Variants in BNC2 observed in about 807,000 individuals in gnomAD.
BNC2 encodes basonuclin zinc finger protein 2.
A neutral mutation model predicts 76.3 loss-of-function variants in BNC2; 20 were observed. That is an observed-to-expected ratio of 0.26 (90% CI 0.18 to 0.38). The LOEUF (loss-of-function observed/expected upper bound fraction) is 0.38. Ranked by LOEUF, BNC2 falls within the 10% of genes least tolerant of loss-of-function variation. The pLI, the probability that BNC2 is intolerant of heterozygous loss-of-function variation, is 1.00. For missense variants in BNC2, 1,382 were observed against 1,399.8 expected, an observed-to-expected ratio of 0.99 and a Z score of 0.20; for synonymous variants, 582 against 514.8, an observed-to-expected ratio of 1.13 and a Z score of -1.77.
chr9:16,462,536 A>G (rs1413272073), intron 5 of BNC2, among the ~76,000 whole-genome samples: 1 of 152,254 alleles, frequency 6.6e-6, no homozygotes, highest in Non-Finnish European at 1.5e-5. Flanking sequence ...GGAGAAAAGT[A>G]AGAGAAAAAA....
chr9:16,704,930 C>G (rs986745738), intron 3 of BNC2: 2 of 152,328 alleles, frequency 1.3e-5, no homozygotes, highest in African/African-American at 4.8e-5. Flanking sequence ...TGGCGCACTC[C>G]TCCTCTCTAT....
chr9:16,446,110 T>G (rs1019029721), intron 5 of BNC2, among the ~76,000 whole-genome samples: 6 of 152,124 alleles, frequency 3.9e-5, no homozygotes, highest in Non-Finnish European at 5.9e-5. Flanking sequence ...GATTGATACT[T>G]TAAAGGAGTT....
At chr9:16,686,588 CTCT>C (rs1822985416) in intron 3 of BNC2, among the ~76,000 whole-genome samples, 1 of 152,064 alleles carries the variant, frequency 6.6e-6, no homozygotes, top group African/African-American at 2.4e-5. Flanking sequence ...CAAAGCACTC[CTCT>C]GTTTTGTTTT....
intron 1 of BNC2, among the ~76,000 whole-genome samples, chr9:16,780,106 G>A (rs534557369): frequency 6.6e-6 from 1 of 151,538 alleles, no homozygotes; most frequent in East Asian, 2.0e-4. Context: ...CGCGGTGGCG[G>A]GTGCCTGTAG....
At chr9:16,770,797 G>A (rs114080007) in intron 1 of BNC2, among the ~76,000 whole-genome samples, 3,645 of 152,018 alleles carry the variant, frequency 0.024, 149 homozygotes, top group East Asian at 0.19. Flanking sequence ...CCCAGGAGGT[G>A]AAGGCTGCAG....
At chr9:16,485,784 G>A (rs1822152080) in intron 5 of BNC2, among the ~76,000 whole-genome samples, 1 of 152,024 alleles carries the variant, frequency 6.6e-6, no homozygotes, top group South Asian at 2.1e-4. Context: ...ACTCTAGCCT[G>A]GGCAACAGAG....
At chr9:16,719,379 C>T (rs1252517981) in intron 3 of BNC2, among the ~76,000 whole-genome samples, 2 of 152,124 alleles carry the variant, frequency 1.3e-5, no homozygotes, top group East Asian at 3.8e-4. Flanking sequence ...AATGGAGATT[C>T]TCATTTTAAT....
In BNC2 at chr9:16,759,970, A is replaced by G. The variant is rs566029789; in HGVS notation, c.4-21485T>C. Among the ~76,000 whole-genome samples the G allele has an allele frequency of 5.9e-5, 9 of 152,188 alleles. No homozygotes were observed. The East Asian group carries it at 1.6e-3, about 26-fold the overall frequency. The stretch of plus-strand genomic sequence containing the variant: ...GATTTCCTGACCTCGTGATCCGCCC[A>G]CCTCGGCCTCCCAAAGTGCTGGGAT... On this transcript the variant is annotated intron_variant, in intron 1 of 6. Coordinates refer to ENST00000380672, the MANE Select transcript of BNC2 (RefSeq NM_017637.6).
intron 1 of BNC2, among the ~76,000 whole-genome samples, chr9:16,870,393 A>G (rs968842315): frequency 6.6e-6 from 1 of 151,626 alleles, no homozygotes; most frequent in Non-Finnish European, 1.5e-5. Context: ...GCCCCCTCTC[A>G]CGTGCACCCT....
chr9:16,716,935 T>G (rs1293536519), intron 3 of BNC2, among the ~76,000 whole-genome samples: 1 of 152,148 alleles, frequency 6.6e-6, no homozygotes, highest in Non-Finnish European at 1.5e-5. Flanking sequence ...TTGCACAACT[T>G]TAAGTAAACA....
At chr9:16,704,998 C>A (rs1270219451) in intron 3 of BNC2, 4 of 152,208 alleles carry the variant, frequency 2.6e-5, no homozygotes, top group Non-Finnish European at 5.9e-5. Flanking sequence ...ATTGTCCAGA[C>A]TCCAAGACTT....
At chr9:16,743,887 T>G (rs1028616101) in intron 1 of BNC2, among the ~76,000 whole-genome samples, 7 of 152,196 alleles carry the variant, frequency 4.6e-5, no homozygotes, top group African/African-American at 1.7e-4. Context: ...GATAAATACA[T>G]AGATTTTGTT....
chr9:16,709,902 G>T (rs1468697172), intron 3 of BNC2, among the ~76,000 whole-genome samples: 3 of 152,076 alleles, frequency 2.0e-5, no homozygotes, highest in Non-Finnish European at 4.4e-5. Flanking sequence ...ATATGAAGGG[G>T]AAAAGTGGTT....
intron 4 of BNC2, among the ~76,000 whole-genome samples, chr9:16,581,916 T>C (rs1440624533): frequency 6.6e-6 from 1 of 151,816 alleles, no homozygotes; most frequent in Non-Finnish European, 1.5e-5. Flanking sequence ...CCTCTCAGAG[T>C]ACTCTCTCTC....
At chr9:16,762,825 C>T (rs1289631578) in intron 1 of BNC2, among the ~76,000 whole-genome samples, 1 of 152,116 alleles carries the variant, frequency 6.6e-6, no homozygotes, top group African/African-American at 2.4e-5. Context: ...AATAAAATAA[C>T]AGTAATGATA....
At chr9:16,596,486 A>G (rs551297298) in intron 3 of BNC2, among the ~76,000 whole-genome samples, 31 of 152,290 alleles carry the variant, frequency 2.0e-4, no homozygotes, top group African/African-American at 7.2e-4. Flanking sequence ...CAAAATGAAA[A>G]TTCGTATTTT....
chr9:16,593,461 G>A (rs1019019596), intron 3 of BNC2, among the ~76,000 whole-genome samples: 1 of 151,980 alleles, frequency 6.6e-6, no homozygotes, highest in Non-Finnish European at 1.5e-5. Flanking sequence ...TCAACAGCGG[G>A]ATATAGCCAA....
At chr9:16,557,020 T>C (rs1225741853) in intron 4 of BNC2, among the ~76,000 whole-genome samples, 6 of 152,120 alleles carry the variant, frequency 3.9e-5, no homozygotes, top group African/African-American at 1.2e-4. Context: ...TCTTCACATA[T>C]CTGACTGTGG....
At chr9:16,456,376 A>C (rs1467719291) in intron 5 of BNC2, among the ~76,000 whole-genome samples, 1 of 152,022 alleles carries the variant, frequency 6.6e-6, no homozygotes. Context: ...TAGATCAAAA[A>C]GGCAAAGTTT....
Sources: gnomAD v4.1 joint callset for allele counts (sites outside exome capture counted in the v4.1 genomes callset) on GRCh38, gnomAD v4.1.1 for gene constraint, MANE v1.5 for transcripts, NCBI Gene and HGNC (gene_info 2026-07-23, HGNC 2026-07-21) for gene names.